The following PRKG1 variants were observed in gnomAD, a reference collection of about 807,000 sequenced individuals.
The protein encoded by PRKG1 is cGMP-dependent protein kinase 1.
In PRKG1, 35 loss-of-function variants were observed where a neutral mutation model predicts 88.1. The ratio of observed to expected loss-of-function variants is 0.40; its 90% CI spans 0.30 to 0.53. The LOEUF is 0.53. PRKG1 is among the 20% of genes least tolerant of loss of function. PRKG1 has a pLI of 0.59. For missense variants in PRKG1, 540 were observed against 839.8 expected (o/e 0.64, Z 4.41); for synonymous variants, 303 against 292.5 (o/e 1.04, Z -0.37).
rs556553116 is a variant in PRKG1, at chr10:52,066,236, C to T, written c.935+3605C>T. On this transcript the variant is annotated intron_variant, in intron 7 of 17. Transcript: ENST00000373980. ...TTCTTTCTTTAAATTCTCCACCCTTCGGGACCCTTTAAATTATTGGCACTC... is the reference window on the plus strand; with the variant it reads ...TTCTTTCTTTAAATTCTCCACCCTTTGGGACCCTTTAAATTATTGGCACTC... Among the ~76,000 whole-genome samples the T allele has an allele frequency of 1.3e-4, 20 of 152,224 alleles. No individual in the cohort carries two copies. In the South Asian group the frequency reaches 3.1e-3, roughly 24 times the overall value.
At chr10:51,917,245 G>A (rs1319126238) in intron 5 of PRKG1, among the ~76,000 whole-genome samples, 1 of 151,366 alleles carries the variant, frequency 6.6e-6, no homozygotes, top group Non-Finnish European at 1.5e-5. Context: ...CTTGAACCTG[G>A]GAGACAGAGG....
In PRKG1 at chr10:51,651,291, CAT is replaced by C. The variant is rs200413013; in HGVS notation, c.593-153291_593-153290del. On this transcript the variant is annotated intron_variant, in intron 3 of 17. Transcript: ENST00000373980. ...CCATTTTCCACTAGTCCTTTCAATT[CAT>C]ATTACTCCCCAGTCTAATCAAATGA... 6.6e-4 allele frequency among the ~76,000 whole-genome samples: 101 copies of C among 152,224 alleles called. 3 individuals are homozygous for C. The East Asian group carries it at 0.017, about 26-fold the overall frequency.
chr10:51,828,714 T>A (rs1839936035), intron 4 of PRKG1, among the ~76,000 whole-genome samples: 2 of 152,182 alleles, frequency 1.3e-5, no homozygotes, highest in Non-Finnish European at 2.9e-5. Flanking sequence ...AAAGAGTTAC[T>A]GCTAGCAACA....
At chr10:51,401,375 T>A (rs1201790708) in intron 2 of PRKG1, among the ~76,000 whole-genome samples, 2 of 152,108 alleles carry the variant, frequency 1.3e-5, no homozygotes, top group Admixed American at 1.3e-4. Context: ...GGTTACAGAG[T>A]GCTTGGAGAC....
intron 9 of PRKG1, among the ~76,000 whole-genome samples, chr10:52,163,065 C>A (rs1029759707): frequency 5.3e-5 from 8 of 152,032 alleles, no homozygotes; most frequent in Middle Eastern, 3.4e-3. Flanking sequence ...TAATAATAAT[C>A]CCACCGAGGT....
intron 4 of PRKG1, among the ~76,000 whole-genome samples, chr10:51,861,600 A>G (rs1840874140): frequency 6.6e-6 from 1 of 152,172 alleles, no homozygotes; most frequent in African/African-American, 2.4e-5. Context: ...AGCAGCTCCT[A>G]TATCTTTTTC....
chr10:51,385,551 C>T (rs1837228795), intron 2 of PRKG1, among the ~76,000 whole-genome samples: 1 of 152,102 alleles, frequency 6.6e-6, no homozygotes, highest in Non-Finnish European at 1.5e-5. Flanking sequence ...TAACAGAGGG[C>T]ACATGTGAAT....
intron 2 of PRKG1, among the ~76,000 whole-genome samples, chr10:51,155,554 C>T (rs1846185641): frequency 6.6e-6 from 1 of 151,946 alleles, no homozygotes; most frequent in South Asian, 2.1e-4. Flanking sequence ...AGAGCTCAAA[C>T]TGTTAACTAT....
chr10:51,220,772 ATTGAAT>A (rs1838507904), intron 2 of PRKG1, among the ~76,000 whole-genome samples: 1 of 152,202 alleles, frequency 6.6e-6, no homozygotes, highest in Non-Finnish European at 1.5e-5. Context: ...AATAATATAC[ATTGAAT>A]AAAACATTAT....
chr10:51,898,465 T>G (rs180803153), intron 4 of PRKG1, among the ~76,000 whole-genome samples: 12 of 152,302 alleles, frequency 7.9e-5, no homozygotes, highest in African/African-American at 2.6e-4. Context: ...AAACAATTTC[T>G]GGCTCATGAG....
chr10:52,017,373 C>T (rs1311439088), intron 5 of PRKG1, among the ~76,000 whole-genome samples: 1 of 151,990 alleles, frequency 6.6e-6, no homozygotes, highest in Non-Finnish European at 1.5e-5. Flanking sequence ...TGAACAGGTG[C>T]ATTATGATGA....
chr10:52,224,681 G>A (rs929640577), intron 9 of PRKG1, among the ~76,000 whole-genome samples: 1 of 150,150 alleles, frequency 6.7e-6, no homozygotes, highest in South Asian at 2.1e-4. Context: ...CCACATATCA[G>A]TGAGAACATA....
chr10:51,410,234 GTGTA>G (rs1317226778), intron 2 of PRKG1, among the ~76,000 whole-genome samples: 1 of 127,150 alleles, frequency 7.9e-6, no homozygotes, highest in Admixed American at 8.7e-5. Flanking sequence ...ATATGTGTGT[GTGTA>G]TGTGTGTGTG....
chr10:51,097,488 G>A (rs985726309), intron 1 of PRKG1, among the ~76,000 whole-genome samples: 5 of 152,140 alleles, frequency 3.3e-5, no homozygotes, highest in African/African-American at 1.2e-4. Flanking sequence ...TTCCCGAAGT[G>A]CTTGGGATTA....
intron 3 of PRKG1, among the ~76,000 whole-genome samples, chr10:51,597,299 G>A (rs1564566659): frequency 6.6e-6 from 1 of 152,070 alleles, no homozygotes; most frequent in African/African-American, 2.4e-5. Context: ...CCAGAAGTTA[G>A]AGAATGTTTG....
At chr10:51,805,214 A>T (rs1839273502) in intron 4 of PRKG1, among the ~76,000 whole-genome samples, 1 of 152,022 alleles carries the variant, frequency 6.6e-6, no homozygotes, top group Non-Finnish European at 1.5e-5. Context: ...TAATTTCCCA[A>T]ATAAAATTCA....
At chr10:52,062,297 G>C (rs1211840971) in intron 6 of PRKG1, among the ~76,000 whole-genome samples, 2 of 152,018 alleles carry the variant, frequency 1.3e-5, no homozygotes, top group Non-Finnish European at 2.9e-5. Flanking sequence ...CAAATTTACT[G>C]GTAATGTATT....
chr10:52,274,268 C>A (rs1340429025), intron 12 of PRKG1, among the ~76,000 whole-genome samples: 1 of 151,132 alleles, frequency 6.6e-6, no homozygotes, highest in African/African-American at 2.4e-5. Context: ...TTCTATCCCT[C>A]ACCCCCCTCC....
At chr10:52,105,387 G>C (rs1224628188) in intron 7 of PRKG1, among the ~76,000 whole-genome samples, 1 of 152,148 alleles carries the variant, frequency 6.6e-6, no homozygotes, top group African/African-American at 2.4e-5. Context: ...AAACTTGACT[G>C]ATTTTGAAAC....
Sources: gnomAD v4.1 joint callset for allele counts (sites outside exome capture counted in the v4.1 genomes callset) on GRCh38, gnomAD v4.1.1 for gene constraint, MANE v1.5 for transcripts, NCBI Gene and HGNC (gene_info 2026-07-23, HGNC 2026-07-21) for gene names.